The following EVC variants were observed in gnomAD, a reference collection of about 807,000 sequenced individuals.
EVC encodes the protein evC complex member EVC.
A neutral mutation model predicts 118.9 loss-of-function variants in EVC; 116 were observed. The ratio of observed to expected loss-of-function variants is 0.98; its 90% CI spans 0.84 to 1.14. The LOEUF is 1.14. Among genes scored for constraint, EVC ranks in the 50% most tolerant of loss-of-function variants. EVC has a pLI of 0.00. For synonymous variants in EVC, 619 were observed against 534.7 expected, an observed-to-expected ratio of 1.16 and a Z score of -2.18; for missense variants, 1,401 against 1,246.4, an observed-to-expected ratio of 1.12 and a Z score of -1.87.
chr4:5,816,016 TC>T (rs113137802), downstream of EVC, among the ~76,000 whole-genome samples: 3,150 of 152,008 alleles, frequency 0.021, 108 homozygotes, highest in African/African-American at 0.07. Flanking sequence ...AATACTATTT[TC>T]CCCCCATGGC....
chr4:5,820,418 G>A, the EVC span, among the ~76,000 whole-genome samples: 11 of 152,106 alleles, frequency 7.2e-5, no homozygotes, highest in African/African-American at 2.4e-4. Flanking sequence ...TCTAGCTCAT[G>A]GAAATGGAAG....
At chr4:5,817,414 G>A (rs1182247392), downstream of EVC, among the ~76,000 whole-genome samples, 1 of 152,186 alleles carries the variant, frequency 6.6e-6, no homozygotes, top group African/African-American at 2.4e-5. Context: ...AAAATTCCCA[G>A]ATGGACTCTG....
intron 7 of EVC, 183 bp from the exon 8 acceptor site, chr4:5,747,965 T>A (rs1048571827): frequency 1.4e-6 from 1 of 692,738 alleles, no homozygotes; most frequent in East Asian, 3.0e-5. Context: ...AACCAGACAA[T>A]GGAACCAGAA....
chr4:5,747,251 T>TCAG (rs5855890), intron 7 of EVC, among the ~76,000 whole-genome samples: 126,328 of 151,812 alleles, frequency 0.83, 53,043 homozygotes, highest in African/African-American at 0.96. Context: ...AGCAACAAAA[T>TCAG]CATGGGTTTC....
At position 5,798,759 on chromosome 4, in the gene EVC, C is replaced by G; in HGVS notation, c.2271C>G (p.Thr757=). The G allele has an allele frequency of 6.2e-7, 1 of 1,611,228 alleles. No individual in the cohort carries two copies. Among genetic ancestry groups the G allele is most frequent in the Non-Finnish European group, 8.5e-7 (1 of 1,179,974 alleles). ...ALLVHARNAA[T]KSRAKDRDDF... ...TGGTGCATGCACGGAATGCAGCCAC[C>G]AAGAGCCGGGCCAAGGACAGGGATG... The change falls in exon 15 of 21, where the codon ACC becomes ACG. Residue 757 remains threonine (T), a synonymous_variant. Transcript: ENST00000264956. This position sits in a 1 kb window ranked among gnomAD's most constrained non-coding sequence, Gnocchi z 4.1.
At chr4:5,718,368 C>G (rs1403804880) in intron 1 of EVC, among the ~76,000 whole-genome samples, 1 of 151,984 alleles carries the variant, frequency 6.6e-6, no homozygotes, top group Non-Finnish European at 1.5e-5. Flanking sequence ...AGCTCTGTAA[C>G]TCACACCTGA....
At position 5,731,459 on chromosome 4, in the gene EVC, A is replaced by T. The variant is rs1224211672; in HGVS notation, c.419A>T (p.His140Leu). The T allele has an allele frequency of 1.9e-6, 3 of 1,613,278 alleles. No homozygotes were observed. The Admixed American group carries it at 5.0e-5, about 27-fold the overall frequency. Reference sequence around the variant, plus strand: ...GATGGCTCCTCCAACCCGTCTCTGCATGAAAACTTAAAGCAGGCTGTTTTG... The same window carrying T: ...GATGGCTCCTCCAACCCGTCTCTGCTTGAAAACTTAAAGCAGGCTGTTTTG... ...LADGSSNPSLHENLKQAVLPH... is the reference protein window; with the variant it reads ...LADGSSNPSLLENLKQAVLPH... Residue 140 changes from histidine to leucine, a missense_variant, in exon 4 of 21, where the codon CAT becomes CTT. Transcript: ENST00000264956. This position sits in a 1 kb window ranked among gnomAD's most constrained non-coding sequence, Gnocchi z 5.6.
At chr4:5,828,773 G>GTT in the EVC span, 8 of 1,295,628 alleles carry the variant, frequency 6.2e-6, no homozygotes, top group Non-Finnish European at 7.3e-6. Context: ...GTGTTCCAAT[G>GTT]TTTTTTTTTC....
rs886816065 is a variant in EVC at position 5,742,685 on chromosome 4, T to C, written c.801+871T>C. The stretch of plus-strand genomic sequence containing the variant: ...ATCATTTTTATCATTGTTGTAATTA[T>C]TGGCATTCTCATTACTACCATCACC... On this transcript the variant is annotated intron_variant, in intron 6 of 20. Coordinates refer to ENST00000264956, the MANE Select transcript of EVC (RefSeq NM_153717.3). This position sits in a 1 kb window ranked among gnomAD's most constrained non-coding sequence, Gnocchi z 5.2. Among the ~76,000 whole-genome samples the C allele has an allele frequency of 3.3e-5, 5 of 152,210 alleles. No individual in the cohort carries two copies. Among genetic ancestry groups the C allele is most frequent in the African/African-American group, 9.6e-5 (4 of 41,472 alleles).
chr4:5,783,447 C>T, intron 11 of EVC, 105 bp from the exon 12 acceptor site: 2 of 1,082,942 alleles, frequency 1.8e-6, no homozygotes, highest in East Asian at 4.7e-5. Flanking sequence ...CTGTGGATCT[C>T]CTTGTGTCTT....
intron 12 of EVC, among the ~76,000 whole-genome samples, chr4:5,792,029 T>C (rs1464076327): frequency 1.3e-5 from 2 of 152,208 alleles, no homozygotes; most frequent in African/African-American, 4.8e-5. Flanking sequence ...CTAAGCAGAA[T>C]ATGTGACTTC....
chr4:5,815,983 AGGAG>A (rs1380710582), downstream of EVC, among the ~76,000 whole-genome samples: 3 of 151,734 alleles, frequency 2.0e-5, no homozygotes, highest in Admixed American at 6.6e-5. Flanking sequence ...TTGGAAAGGA[AGGAG>A]GGAGGGAGGG....
At chr4:5,772,626 G>A (rs1560381797) in intron 11 of EVC, among the ~76,000 whole-genome samples, 1 of 151,614 alleles carries the variant, frequency 6.6e-6, no homozygotes, top group Non-Finnish European at 1.5e-5. Context: ...CCCCCAACCT[G>A]ACCCACAAGG....
At chr4:5,734,995 G>A (rs966330054) in intron 5 of EVC, among the ~76,000 whole-genome samples, 30 of 152,264 alleles carry the variant, frequency 2.0e-4, no homozygotes, top group Non-Finnish European at 3.7e-4. Flanking sequence ...GGCTGGCCTC[G>A]CCCCACAGCC....
chr4:5,801,609 G>A, intron 15 of EVC: 1 of 294,342 alleles, frequency 3.4e-6, no homozygotes, highest in Non-Finnish European at 6.6e-6. Flanking sequence ...GAACCTGGGA[G>A]ATGGAGGTTG....
chr4:5,758,311 AC>A, intron 11 of EVC: 1 of 559,040 alleles, frequency 1.8e-6, no homozygotes, highest in Non-Finnish European at 3.2e-6. Flanking sequence ...GTCTTAATGC[AC>A]CCAGTTTGCG....
chr4:5,798,501 A>G lies in EVC; in HGVS notation c.2098-85A>G. 1 of 1,387,870 alleles carries G rather than the reference A, an allele frequency of 7.2e-7. No individual in the cohort carries two copies. 86.0% of individuals were successfully genotyped at this position (1,387,870 alleles called of 1,614,324 possible). A position where few individuals can be genotyped will look rare whatever the true frequency, so the allele number is the denominator to read the frequency against. ...CTTTTCCAACCCCTGGGCCCTGGATAGGACCAGCCCCACATCCCAGTCCTG... is the reference window on the plus strand; with the variant it reads ...CTTTTCCAACCCCTGGGCCCTGGATGGGACCAGCCCCACATCCCAGTCCTG... On this transcript the variant is annotated intron_variant, in intron 14 of 20. Coordinates refer to ENST00000264956, the MANE Select transcript of EVC (RefSeq NM_153717.3). The surrounding 1 kb of genome is among the most constrained non-coding windows in gnomAD (Gnocchi z 4.1).
chr4:5,827,126 C>A, the EVC span, among the ~76,000 whole-genome samples: 1 of 152,328 alleles, frequency 6.6e-6, no homozygotes, highest in South Asian at 2.1e-4. Flanking sequence ...ACCCCCCGAT[C>A]CTATTGCTCC....
chr4:5,714,031 C>A (rs929072565), intron 1 of EVC, among the ~76,000 whole-genome samples: 3 of 152,240 alleles, frequency 2.0e-5, no homozygotes, highest in African/African-American at 7.2e-5. Flanking sequence ...GCTCTCCAGC[C>A]ACTCAAGACA....
Sources: allele counts gnomAD v4.1 joint callset (sites outside exome capture counted in the v4.1 genomes callset), GRCh38; gene constraint gnomAD v4.1.1; non-coding constraint Gnocchi (gnomAD v3.1); transcripts MANE v1.5; gene names NCBI Gene and HGNC (gene_info 2026-07-23, HGNC 2026-07-21).